NEDD4L: variants seen among roughly 807,000 people sequenced by gnomAD.
NEDD4L encodes E3 ubiquitin-protein ligase NEDD4-like.
In NEDD4L, 54 loss-of-function variants were observed where a neutral mutation model predicts 148.9. The observed-to-expected ratio is 0.36, with a 90% confidence interval of 0.29 to 0.45. The LOEUF (loss-of-function observed/expected upper bound fraction) is 0.45. Ranked by LOEUF, NEDD4L falls within the 20% of genes least tolerant of loss-of-function variation. NEDD4L has a pLI of 1.00. For synonymous variants in NEDD4L, 433 were observed against 440.7 expected (o/e 0.98, Z 0.22); for missense variants, 856 against 1,233.8 (o/e 0.69, Z 4.59).
chr18:58,358,536 G>A (rs1031733988), intron 19 of NEDD4L, among the ~76,000 whole-genome samples: 2 of 151,864 alleles, frequency 1.3e-5, no homozygotes, highest in East Asian at 1.9e-4. Context: ...ATCAATTACC[G>A]GCCGTCACTC....
chr18:58,121,211 T>G (rs997561130), intron 1 of NEDD4L, among the ~76,000 whole-genome samples: 1 of 152,112 alleles, frequency 6.6e-6, no homozygotes, highest in African/African-American at 2.4e-5. Context: ...AGAGAAAGGA[T>G]TCTCACGTGT....
At position 58,276,694 on chromosome 18, in the gene NEDD4L, A is replaced by ATATTATTAT. The variant is rs143837901; in HGVS notation, c.297+24652_297+24660dup. On this transcript the variant is annotated intron_variant, in intron 5 of 30. Coordinates refer to ENST00000400345, the MANE Select transcript of NEDD4L (RefSeq NM_001144967.3). ...GTGGTCAGCTATAATAATAATAATA[A>ATATTATTAT]TATTATTATTATTATTATTAATAAA... Among the ~76,000 whole-genome samples, 562 of 97,832 alleles carry ATATTATTAT rather than the reference A, an allele frequency of 5.7e-3. 2 individuals are homozygous for ATATTATTAT. Among genetic ancestry groups the ATATTATTAT allele is most frequent in the African/African-American group, 0.019 (346 of 18,648 alleles). The allele number at this position is 97,832 out of a possible 152,430, so 64.2% of individuals were successfully genotyped here.
At chr18:58,137,685 A>G (rs975907991) in intron 1 of NEDD4L, among the ~76,000 whole-genome samples, 1 of 152,008 alleles carries the variant, frequency 6.6e-6, no homozygotes, top group Non-Finnish European at 1.5e-5. Context: ...CTTGATTTCC[A>G]TTTTAGAAGT....
At chr18:58,375,923 C>T (rs552726954) in intron 24 of NEDD4L, among the ~76,000 whole-genome samples, 91 of 152,064 alleles carry the variant, frequency 6.0e-4, no homozygotes, top group African/African-American at 1.8e-3. Flanking sequence ...AATTTTCAAA[C>T]GATTAGACAT....
At position 58,044,653 on chromosome 18, in the gene NEDD4L, C is replaced by G. The variant is rs1170016392; in HGVS notation, c.-8C>G. The G allele has an allele frequency of 6.3e-7, 1 of 1,599,072 alleles. No homozygotes were observed. Among genetic ancestry groups the G allele is most frequent in the East Asian group, 2.3e-5 (1 of 43,258 alleles). On this transcript the variant is annotated 5_prime_UTR_variant, in exon 1 of 31. Transcript: ENST00000400345. Reference sequence around the variant, plus strand: ...AGCGCCTCAGACCCCGCGCGGGGCGCCGGCTCCATGGCGACCGGGCTCGGG... The same window carrying G: ...AGCGCCTCAGACCCCGCGCGGGGCGGCGGCTCCATGGCGACCGGGCTCGGG...
chr18:58,052,704 G>A (rs1722999693), intron 1 of NEDD4L, among the ~76,000 whole-genome samples: 2 of 150,996 alleles, frequency 1.3e-5, no homozygotes, highest in Admixed American at 6.6e-5. Context: ...GGTGGCTCAT[G>A]CCTATAATCC....
chr18:58,157,185 CA>C (rs59302556), intron 1 of NEDD4L, among the ~76,000 whole-genome samples: 4,138 of 89,266 alleles, frequency 0.046, 150 homozygotes, highest in African/African-American at 0.13. Context: ...GACCTTGTCT[CA>C]AAAAAAAAAA....
intron 2 of NEDD4L, among the ~76,000 whole-genome samples, chr18:58,196,025 T>A (rs2147282462): frequency 6.6e-6 from 1 of 152,340 alleles, no homozygotes; most frequent in East Asian, 1.9e-4. Context: ...ACACAGATAT[T>A]GCTCTGGTGC....
At chr18:58,231,112 G>A (rs946674117) in intron 2 of NEDD4L, among the ~76,000 whole-genome samples, 1 of 151,902 alleles carries the variant, frequency 6.6e-6, no homozygotes, top group African/African-American at 2.4e-5. Context: ...TTAGCCATGT[G>A]TGGCAGCATG....
At chr18:58,291,081 C>T (rs933174455) in intron 5 of NEDD4L, among the ~76,000 whole-genome samples, 2 of 151,844 alleles carry the variant, frequency 1.3e-5, no homozygotes, top group Non-Finnish European at 2.9e-5. Flanking sequence ...ACCAGGCCGA[C>T]CGGCCCACAT....
rs754961615 is a variant in NEDD4L at position 58,366,070 on chromosome 18, T to G, written c.1905T>G (p.Ile635Met). ...NNIFEESYRRIMSVKRPDVLK... is the reference protein window; with the variant it reads ...NNIFEESYRRMMSVKRPDVLK... ...TATTTGAAGAGTCCTATCGGAGAATTATGTCCGTGAAAAGACCAGATGTCC... is the reference window on the plus strand; with the variant it reads ...TATTTGAAGAGTCCTATCGGAGAATGATGTCCGTGAAAAGACCAGATGTCC... The change falls in exon 21 of 31, where the codon ATT (isoleucine) becomes ATG (methionine). Residue 635 changes from isoleucine (I) to methionine (M), a missense_variant. By Grantham distance (10) the Ile-to-Met change is conservative. Around this residue, in one of 4 missense-constraint regions of NEDD4L, gnomAD observed 286 missense variants for 531.8 expected, o/e 0.54. Transcript: ENST00000400345. The surrounding 1 kb of genome is among the most constrained non-coding windows in gnomAD (Gnocchi z 4.2). 1.2e-6 allele frequency: 2 copies of G among 1,613,392 alleles called. No homozygotes were observed.
chr18:58,287,414 C>T (rs1254316723), intron 5 of NEDD4L, among the ~76,000 whole-genome samples: 3 of 152,152 alleles, frequency 2.0e-5, no homozygotes, highest in Non-Finnish European at 4.4e-5. Context: ...AGTATAGGCT[C>T]CCTGCCCATG....
chr18:58,159,714 G>A (rs978970499), intron 1 of NEDD4L, among the ~76,000 whole-genome samples: 1 of 152,174 alleles, frequency 6.6e-6, no homozygotes, highest in Non-Finnish European at 1.5e-5. Flanking sequence ...GTTAAGTAAT[G>A]TATACGTAAC....
chr18:58,299,729 T>C (rs2056198818), intron 5 of NEDD4L, among the ~76,000 whole-genome samples: 1 of 151,974 alleles, frequency 6.6e-6, no homozygotes, highest in Admixed American at 6.5e-5. Context: ...TGAATTGGGG[T>C]GGGGGTAATG....
At chr18:58,352,950 G>A (rs17064855) in intron 18 of NEDD4L, among the ~76,000 whole-genome samples, 1,988 of 152,322 alleles carry the variant, frequency 0.013, 47 homozygotes, top group African/African-American at 0.046. Context: ...TTAAAATAGT[G>A]AAAATCACTG....
At chr18:58,260,549 A>G (rs1363329588) in intron 5 of NEDD4L, among the ~76,000 whole-genome samples, 2 of 152,184 alleles carry the variant, frequency 1.3e-5, no homozygotes, top group African/African-American at 2.4e-5. Flanking sequence ...TCCCATGTGA[A>G]ATGGTGTTAT....
intron 2 of NEDD4L, among the ~76,000 whole-genome samples, chr18:58,222,183 TGTTTTCC>T (rs2043847272): frequency 6.6e-6 from 1 of 152,238 alleles, no homozygotes; most frequent in Admixed American, 6.5e-5. Context: ...GAAAGAATTG[TGTTTTCC>T]TTCCTGTTCT....
intron 1 of NEDD4L, among the ~76,000 whole-genome samples, chr18:58,142,596 G>A (rs1241831242): frequency 6.6e-6 from 1 of 152,094 alleles, no homozygotes; most frequent in Non-Finnish European, 1.5e-5. Flanking sequence ...AGAAGTTTTG[G>A]GAATCTTACC....
chr18:58,215,865 A>G lies in NEDD4L; in HGVS notation c.123-29562A>G, dbSNP rs549396634. Among the ~76,000 whole-genome samples the G allele has an allele frequency of 3.3e-5, 5 of 152,002 alleles. No individual in the cohort carries two copies. In the South Asian group the frequency reaches 1.0e-3, roughly 31 times the overall value. ...TAGTCTATTTTGGTGATTTATTCCA[A>G]TATGTAATATATGTTTCTGAATGTA... On this transcript the variant is annotated intron_variant, in intron 2 of 30. Transcript: ENST00000400345.
Sources: gnomAD v4.1 joint callset for allele counts (sites outside exome capture counted in the v4.1 genomes callset) on GRCh38, gnomAD v4.1.1 for gene constraint, gnomAD v4.1.1 regional missense constraint, Gnocchi (gnomAD v3.1) non-coding constraint, MANE v1.5 for transcripts, NCBI Gene and HGNC (gene_info 2026-07-23, HGNC 2026-07-21) for gene names.